The following DPP6 variants were observed in gnomAD, a reference collection of about 807,000 sequenced individuals.
DPP6 encodes the protein dipeptidyl peptidase like 6.
In DPP6, 69 loss-of-function variants were observed where a neutral mutation model predicts 122.6. That is an observed-to-expected ratio of 0.56 (90% CI 0.46 to 0.69). The LOEUF is 0.69. Ranked by LOEUF, DPP6 falls within the 30% of genes least tolerant of loss-of-function variation. The pLI is 0.00. For missense variants in DPP6, 928 were observed against 1,116.9 expected (o/e 0.83, Z 2.41); for synonymous variants, 418 against 433.1 (o/e 0.97, Z 0.43).
intron 8 of DPP6, among the ~76,000 whole-genome samples, chr7:154,752,898 C>A (rs111414021): frequency 6.6e-6 from 1 of 152,090 alleles, no homozygotes; most frequent in Non-Finnish European, 1.5e-5. Flanking sequence ...CTCTAGTGAA[C>A]GGGATTTCCA....
intron 7 of DPP6, among the ~76,000 whole-genome samples, chr7:154,706,084 T>C (rs527631923): frequency 2.6e-5 from 4 of 152,294 alleles, no homozygotes; most frequent in Non-Finnish European, 5.9e-5. Context: ...CCTGGAACCA[T>C]GATGACAACC....
intron 1 of DPP6, among the ~76,000 whole-genome samples, chr7:154,309,040 C>T (rs991394280): frequency 2.0e-5 from 3 of 152,166 alleles, no homozygotes; most frequent in African/African-American, 7.2e-5. Flanking sequence ...GGAAAGGACC[C>T]CACACATGCA....
At chr7:153,852,027 C>T in the DPP6 span, among the ~76,000 whole-genome samples, 1 of 152,174 alleles carries the variant, frequency 6.6e-6, no homozygotes, top group African/African-American at 2.4e-5. Flanking sequence ...CTTATCCTTA[C>T]ACTCTGCTTT....
chr7:154,703,140 T>A (rs1194277811), intron 7 of DPP6, among the ~76,000 whole-genome samples: 3 of 152,232 alleles, frequency 2.0e-5, no homozygotes, highest in Admixed American at 6.5e-5. Context: ...TGTTGAGACC[T>A]ACTGCTCAGA....
At chr7:153,945,855 GTA>G (rs1329942185) in intron 1 of DPP6, among the ~76,000 whole-genome samples, 4 of 152,192 alleles carry the variant, frequency 2.6e-5, no homozygotes, top group African/African-American at 9.7e-5. Flanking sequence ...TGTTGACTGA[GTA>G]TGGAATTTTC....
chr7:154,699,035 C>T (rs544321456), intron 7 of DPP6, among the ~76,000 whole-genome samples: 2 of 152,276 alleles, frequency 1.3e-5, no homozygotes, highest in East Asian at 3.9e-4. Flanking sequence ...GAGAAGAGCA[C>T]GGTTCCAAGA....
chr7:154,063,267 C>T (rs866048740), intron 1 of DPP6, among the ~76,000 whole-genome samples: 6 of 132,288 alleles, frequency 4.5e-5, no homozygotes, highest in African/African-American at 1.1e-4. Context: ...GCTCTTAGGA[C>T]CCCCATCGCA....
At chr7:153,928,275 G>A (rs1457877821) in intron 1 of DPP6, among the ~76,000 whole-genome samples, 3 of 149,932 alleles carry the variant, frequency 2.0e-5, no homozygotes, top group Non-Finnish European at 3.0e-5. Context: ...TCAGTGGCAC[G>A]ATCTTGGCTC....
chr7:154,513,145 G>C (rs150151671), intron 3 of DPP6, among the ~76,000 whole-genome samples: 185 of 152,128 alleles, frequency 1.2e-3, no homozygotes, highest in African/African-American at 4.2e-3. Context: ...CTCAATTATA[G>C]AATTTCTTCA....
At chr7:153,788,450 T>C in the DPP6 span, among the ~76,000 whole-genome samples, 4 of 152,354 alleles carry the variant, frequency 2.6e-5, no homozygotes, top group East Asian at 3.9e-4. Context: ...CAAAAACTTA[T>C]CAGTTTCATT....
In DPP6 at chr7:154,749,518, G is replaced by T. The variant is rs1299540105; in HGVS notation, c.884-19899G>T. ...AGGGATGGAGGCTTTACTGAGAGAG[G>T]GTGAGAGAGCATAGGACGGGAGAGA... On this transcript the variant is annotated intron_variant, in intron 8 of 25. Transcript: ENST00000377770. 6.9e-4 allele frequency among the ~76,000 whole-genome samples: 89 copies of T among 129,172 alleles called. No individual in the cohort carries two copies. In the Middle Eastern group the frequency reaches 0.014, roughly 21 times the overall value. The allele number at this position is 129,172 out of a possible 152,430, so 84.7% of individuals were successfully genotyped here.
chr7:154,621,577 G>A (rs192438194), intron 5 of DPP6, among the ~76,000 whole-genome samples: 4 of 152,212 alleles, frequency 2.6e-5, no homozygotes, highest in Admixed American at 6.5e-5. Flanking sequence ...ATGTTGGCCA[G>A]GCTGGTCTTG....
At chr7:154,171,347 A>G (rs1365637462) in intron 1 of DPP6, among the ~76,000 whole-genome samples, 1 of 152,172 alleles carries the variant, frequency 6.6e-6, no homozygotes, top group Non-Finnish European at 1.5e-5. Flanking sequence ...TGCCTGGTAC[A>G]TGGGGGTCAT....
chr7:153,933,705 T>A (rs2098054), intron 1 of DPP6, among the ~76,000 whole-genome samples: 79,759 of 140,838 alleles, frequency 0.57, 21,166 homozygotes, highest in Middle Eastern at 0.58. Flanking sequence ...TCTCTCTCTC[T>A]CACACACACA....
At chr7:154,071,922 A>G (rs761101071) in intron 1 of DPP6, among the ~76,000 whole-genome samples, 1 of 152,218 alleles carries the variant, frequency 6.6e-6, no homozygotes, top group Non-Finnish European at 1.5e-5. Context: ...TGAAAACAGA[A>G]AAATCAACAG....
At chr7:154,002,960 G>A (rs990135179) in intron 1 of DPP6, among the ~76,000 whole-genome samples, 2 of 152,104 alleles carry the variant, frequency 1.3e-5, no homozygotes, top group African/African-American at 4.8e-5. Flanking sequence ...TGTCAGTGTC[G>A]CTTCCCTCAT....
chr7:154,435,200 G>C (rs1173001962), intron 1 of DPP6, among the ~76,000 whole-genome samples: 8 of 152,048 alleles, frequency 5.3e-5, no homozygotes. Context: ...GAGAGTGGCA[G>C]AGGGACATTG....
intron 1 of DPP6, among the ~76,000 whole-genome samples, chr7:154,132,123 T>C (rs1358507839): frequency 6.6e-6 from 1 of 152,114 alleles, no homozygotes; most frequent in Non-Finnish European, 1.5e-5. Flanking sequence ...CTTAGTGTTC[T>C]ACCTGGTCAC....
At chr7:154,259,965 C>G (rs1404278776) in intron 1 of DPP6, among the ~76,000 whole-genome samples, 1 of 152,114 alleles carries the variant, frequency 6.6e-6, no homozygotes, top group African/African-American at 2.4e-5. Context: ...GAGGCAGAAT[C>G]AGGAGTCAGG....
Sources: allele counts gnomAD v4.1 joint callset (sites outside exome capture counted in the v4.1 genomes callset), GRCh38; gene constraint gnomAD v4.1.1; transcripts MANE v1.5; gene names NCBI Gene and HGNC (gene_info 2026-07-23, HGNC 2026-07-21).